Variants in ZSCAN20 observed in about 807,000 individuals in gnomAD.
The protein encoded by ZSCAN20 is zinc finger and SCAN domain containing 20.
A neutral mutation model predicts 97.1 loss-of-function variants in ZSCAN20; 39 were observed. That is an observed-to-expected ratio of 0.40 (90% CI 0.31 to 0.52). ZSCAN20 has a LOEUF of 0.52. Among genes scored for constraint, ZSCAN20 ranks in the 20% least tolerant of loss-of-function variants. The probability of loss-of-function intolerance (pLI) is 0.49; values close to 1 mark genes in which losing one functional copy is unlikely to be tolerated. For synonymous variants in ZSCAN20, 456 were observed against 467.3 expected (o/e 0.98, Z 0.31); for missense variants, 1,115 against 1,290.4 (o/e 0.86, Z 2.08).
chr1:33,481,687 TC>T (rs745915292), intron 2 of ZSCAN20, among the ~76,000 whole-genome samples: 5 of 152,280 alleles, frequency 3.3e-5, no homozygotes, highest in African/African-American at 4.8e-5. Flanking sequence ...GTTATAATAT[TC>T]CTCAAAGTGA....
intron 1 of ZSCAN20, among the ~76,000 whole-genome samples, chr1:33,475,884 G>A (rs1651919149): frequency 6.6e-6 from 1 of 150,872 alleles, no homozygotes; most frequent in African/African-American, 2.4e-5. Flanking sequence ...TGGCCAGGCT[G>A]GTCTCGAACT....
intron 2 of ZSCAN20, among the ~76,000 whole-genome samples, chr1:33,485,389 T>C (rs539027660): frequency 6.6e-6 from 1 of 152,212 alleles, no homozygotes; most frequent in Admixed American, 6.5e-5. Context: ...TTTCTGATAT[T>C]AATAATTTGT....
chr1:33,482,767 G>A (rs1020620586), intron 2 of ZSCAN20, among the ~76,000 whole-genome samples: 2 of 152,222 alleles, frequency 1.3e-5, no homozygotes, highest in African/African-American at 2.4e-5. Flanking sequence ...CTAATAGGTA[G>A]ATAGTGGTAT....
chr1:33,481,800 C>G (rs140881651), intron 2 of ZSCAN20, among the ~76,000 whole-genome samples: 1 of 152,278 alleles, frequency 6.6e-6, no homozygotes, highest in Non-Finnish European at 1.5e-5. Flanking sequence ...CTTGTTTCTT[C>G]TGTCATCACC....
At chr1:33,484,382 A>G (rs1455320229) in intron 2 of ZSCAN20, among the ~76,000 whole-genome samples, 2 of 152,078 alleles carry the variant, frequency 1.3e-5, no homozygotes, top group South Asian at 2.1e-4. Flanking sequence ...TAGTTTGCCA[A>G]GTTTTTATCA....
In ZSCAN20 at chr1:33,479,176, T is replaced by C; in HGVS notation, c.-110-3T>C. The C allele has an allele frequency of 1.7e-6, 2 of 1,178,778 alleles. No individual in the cohort carries two copies. The highest frequency in any genetic ancestry group is 3.1e-5 in the African/African-American group (2 of 65,336). The allele number at this position is 1,178,778 out of a possible 1,614,324, so 73.0% of individuals were successfully genotyped here. ...CACTCTATCCTTTGTCTTTCTGCCT[T>C]AGAGCCTTGGGGAGCAGTCCCTTTT... On this transcript the variant is annotated splice_polypyrimidine_tract_variant and splice_region_variant and intron_variant, in intron 1 of 7. Transcript: ENST00000684572.
chr1:33,488,540 G>A lies in ZSCAN20; in HGVS notation c.493G>A (p.Val165Met). 1 of 1,614,182 alleles carries A rather than the reference G, an allele frequency of 6.2e-7. No homozygotes were observed. The change falls in exon 3 of 8, where the codon GTG becomes ATG. Residue 165 changes from valine (V) to methionine (M), a missense_variant. Around this residue, in one of 3 missense-constraint regions of ZSCAN20, gnomAD observed 508 missense variants for 611.2 expected, o/e 0.83. Coordinates refer to ENST00000684572, the MANE Select transcript of ZSCAN20 (RefSeq NM_001377376.1). ...EEAQSFQLQPVDPWPEGQSQK... is the reference protein window; with the variant it reads ...EEAQSFQLQPMDPWPEGQSQK... Reference sequence around the variant, plus strand: ...AGCTCAGAGCTTCCAGCTGCAGCCAGTGGATCCCTGGCCTGAGGGACAGTC... The same window carrying A: ...AGCTCAGAGCTTCCAGCTGCAGCCAATGGATCCCTGGCCTGAGGGACAGTC...
In ZSCAN20 at chr1:33,493,711, G is replaced by A. The variant is rs1652721644; in HGVS notation, c.1873+96G>A. On this transcript the variant is annotated intron_variant, in intron 7 of 7. Transcript: ENST00000684572. The surrounding 1 kb of genome is among the most constrained non-coding windows in gnomAD (Gnocchi z 4.3). ...TATCTTTTGTCTCTTAACTAAAAGA[G>A]AGAATGGGATTGAATGGGAAAAAGT... 1.5e-6 allele frequency: 2 copies of A among 1,335,486 alleles called. No homozygotes were observed. Among genetic ancestry groups the A allele is most frequent in the East Asian group, 4.6e-5 (2 of 43,074 alleles). 82.7% of individuals were successfully genotyped at this position (1,335,486 alleles called of 1,614,324 possible).
At position 33,494,461 on chromosome 1, in the gene ZSCAN20, C is replaced by T. The variant is rs772992406; in HGVS notation, c.2117C>T (p.Ala706Val). 5.0e-5 allele frequency: 81 copies of T among 1,613,976 alleles called. 1 individual carries two copies. The highest frequency in any genetic ancestry group is 1.6e-4 in the Middle Eastern group (1 of 6,084). The change falls in exon 8 of 8, where the codon GCA (alanine) becomes GTA (valine). Residue 706 changes from alanine (A) to valine (V), a missense_variant. This residue lies in a region of ZSCAN20 where 554 missense variants were observed against 584.9 expected (regional missense o/e 0.95). Transcript: ENST00000684572. The part of the protein sequence containing the change: ...KLIDHQGLYL[A>V]EKPYKCDTCM... ...ATTGACCATCAAGGCCTGTACCTTG[C>T]AGAGAAACCCTACAAGTGTGACACA...
intron 3 of ZSCAN20, 66 bp from the exon 4 acceptor site, chr1:33,489,049 A>G (rs1652487307): frequency 1.4e-5 from 20 of 1,409,378 alleles, no homozygotes; most frequent in African/African-American, 1.4e-5. Flanking sequence ...TGGAAAGCCA[A>G]TCTCAAAGGG....
rs1329029694 is a variant in ZSCAN20 at position 33,495,726 on chromosome 1, A to G, written c.*250A>G. On this transcript the variant is annotated 3_prime_UTR_variant, in exon 8 of 8. Transcript: ENST00000684572. ...CCTGACTGTCCTTGTATTTGCTATC[A>G]TGTAAGAGCTGTGTCAGTATTTGAG... 1 of 323,916 alleles carries G rather than the reference A, an allele frequency of 3.1e-6. No homozygotes were observed. The highest frequency in any genetic ancestry group is 8.4e-4 in the Middle Eastern group (1 of 1,188). The allele number at this position is 323,916 out of a possible 1,614,324, so 20.1% of individuals were successfully genotyped here. A position where few individuals can be genotyped will look rare whatever the true frequency, so the allele number is the denominator to read the frequency against.
chr1:33,498,868 C>T lies in ZSCAN20; in HGVS notation c.*3392C>T, dbSNP rs1410829287. 2.0e-5 allele frequency among the ~76,000 whole-genome samples: 3 copies of T among 152,198 alleles called. No individual in the cohort carries two copies. The highest frequency in any genetic ancestry group is 7.2e-5 in the African/African-American group (3 of 41,446). ...GACCTTAGGCCTCCCATTCCTCAGA[C>T]CCCCAGAGGCAGCAGACCCAAAGGT... On this transcript the variant is annotated 3_prime_UTR_variant, in exon 8 of 8. Coordinates refer to ENST00000684572, the MANE Select transcript of ZSCAN20 (RefSeq NM_001377376.1).
In ZSCAN20 at chr1:33,493,408, C is replaced by G; in HGVS notation, c.1666C>G (p.Pro556Ala). ...CCGGAAAGCCAAGAGCAGCCACCCA[C>G]CAGGGACATGCCCTTTCTATGAGGA... ...SYRKAKSSHPPGTCPFYEELD... is the reference protein window; with the variant it reads ...SYRKAKSSHPAGTCPFYEELD... Residue 556 changes from proline (P) to alanine (A), a missense_variant, in exon 7 of 8, where the codon CCA (proline) becomes GCA (alanine). Pro to Ala is a conservative substitution (Grantham distance 27). Transcript: ENST00000684572. The surrounding 1 kb of genome is among the most constrained non-coding windows in gnomAD (Gnocchi z 4.3). 6.2e-7 allele frequency: 1 copy of G among 1,614,222 alleles called. No homozygotes were observed. Among genetic ancestry groups the G allele is most frequent in the Non-Finnish European group, 8.5e-7 (1 of 1,180,046 alleles).
rs542715078 is a variant in ZSCAN20, at chr1:33,498,173, A to T, written c.*2697A>T. Among the ~76,000 whole-genome samples the T allele has an allele frequency of 3.3e-5, 5 of 152,236 alleles. No individual in the cohort carries two copies. The South Asian group carries it at 8.3e-4, about 25-fold the overall frequency. ...TTTGTTACTGACCCCTGAATTCTTC[A>T]TGTAGCCCTGAGTTTTCTGGAGCCC... is the stretch of plus-strand genomic sequence containing the variant. On this transcript the variant is annotated 3_prime_UTR_variant, in exon 8 of 8. Transcript: ENST00000684572.
chr1:33,485,603 G>A (rs1318770458), intron 2 of ZSCAN20, among the ~76,000 whole-genome samples: 1 of 151,192 alleles, frequency 6.6e-6, no homozygotes, highest in Non-Finnish European at 1.5e-5. Flanking sequence ...TTGTTGAGAT[G>A]GGATTTCACC....
chr1:33,493,495 G>T lies in ZSCAN20; in HGVS notation c.1753G>T (p.Ala585Ser), dbSNP rs368697640. ...GGCCATGGGGACTGTCCGAGAGGCTGCAGGTCTCCCTAGGTGTGGGCAGAG... is the reference window on the plus strand; with the variant it reads ...GGCCATGGGGACTGTCCGAGAGGCTTCAGGTCTCCCTAGGTGTGGGCAGAG... ...VRAMGTVREAAGLPRCGQSSA... is the reference protein window; with the variant it reads ...VRAMGTVREASGLPRCGQSSA... The change falls in exon 7 of 8, where the codon GCA (alanine) becomes TCA (serine). Residue 585 changes from alanine to serine, a missense_variant. By Grantham distance (99) the Ala-to-Ser change is moderately conservative. This residue lies in a region of ZSCAN20 where 554 missense variants were observed against 584.9 expected (regional missense o/e 0.95). Transcript: ENST00000684572. The surrounding 1 kb of genome is among the most constrained non-coding windows in gnomAD (Gnocchi z 4.3). The T allele has an allele frequency of 2.1e-5, 34 of 1,614,084 alleles. No homozygotes were observed. Among genetic ancestry groups the T allele is most frequent in the Non-Finnish European group, 2.8e-5 (33 of 1,180,036 alleles).
chr1:33,474,061 A>G (rs1651831952), intron 1 of ZSCAN20, among the ~76,000 whole-genome samples: 1 of 152,300 alleles, frequency 6.6e-6, no homozygotes, highest in East Asian at 1.9e-4. Context: ...TTCATTGCCA[A>G]TGGGAGTTTA....
chr1:33,491,391 A>G lies in ZSCAN20; in HGVS notation c.1133A>G (p.Tyr378Cys), dbSNP rs529615717. The G allele has an allele frequency of 1.5e-5, 24 of 1,614,210 alleles. No homozygotes were observed. The East Asian group carries it at 4.5e-4, about 30-fold the overall frequency. Reference sequence around the variant, plus strand: ...CTGCGGACACTGGAGCAATGTCGCTATAGGGTCAAAAACCTCCTACGGAAT... The same window carrying G: ...CTGCGGACACTGGAGCAATGTCGCTGTAGGGTCAAAAACCTCCTACGGAAT... Reference protein sequence around the residue: ...GFLRTLEQCRYRVKNLLRNYR... With the variant: ...GFLRTLEQCRCRVKNLLRNYR... The change falls in exon 6 of 8, where the codon TAT becomes TGT. Residue 378 changes from tyrosine to cysteine, a missense_variant. By Grantham distance (194) the Tyr-to-Cys change is radical. This residue lies in a region of ZSCAN20 where 508 missense variants were observed against 611.2 expected (regional missense o/e 0.83). Transcript: ENST00000684572. The surrounding 1 kb of genome is among the most constrained non-coding windows in gnomAD (Gnocchi z 4.3).
chr1:33,484,928 C>T (rs1305225865), intron 2 of ZSCAN20, among the ~76,000 whole-genome samples: 1 of 152,072 alleles, frequency 6.6e-6, no homozygotes, highest in East Asian at 1.9e-4. Flanking sequence ...CTGATTTTTG[C>T]ATCTTTGTTC....
Sources: gnomAD v4.1 joint callset for allele counts (sites outside exome capture counted in the v4.1 genomes callset) on GRCh38, gnomAD v4.1.1 for gene constraint, gnomAD v4.1.1 regional missense constraint, Gnocchi (gnomAD v3.1) non-coding constraint, MANE v1.5 for transcripts, NCBI Gene and HGNC (gene_info 2026-07-23, HGNC 2026-07-21) for gene names.